The following PPP2R2B variants were observed in gnomAD, a reference collection of about 807,000 sequenced individuals.
PPP2R2B encodes protein phosphatase 2 regulatory subunit Bbeta, also known as serine/threonine-protein phosphatase 2A 55 kDa regulatory subunit B beta isoform.
PPP2R2B carries 5 observed loss-of-function variants against 46.0 expected under a neutral mutation model. The ratio of observed to expected loss-of-function variants is 0.11; its 90% CI spans 0.06 to 0.23. The LOEUF (loss-of-function observed/expected upper bound fraction) is 0.23. Among genes scored for constraint, PPP2R2B ranks in the 10% least tolerant of loss-of-function variants. The probability of loss-of-function intolerance (pLI) is 1.00; values close to 1 mark genes in which losing one functional copy is unlikely to be tolerated. For synonymous variants in PPP2R2B, 215 were observed against 206.7 expected (o/e 1.04, Z -0.34); for missense variants, 367 against 575.0 (o/e 0.64, Z 3.70).
At chr5:146,972,336 G>A (rs1752696569) in intron 1 of PPP2R2B, among the ~76,000 whole-genome samples, 1 of 152,212 alleles carries the variant, frequency 6.6e-6, no homozygotes, top group South Asian at 2.1e-4. Context: ...TTTGCCAGAT[G>A]TGTTCATGGT....
intron 5 of PPP2R2B, among the ~76,000 whole-genome samples, chr5:146,662,241 T>C (rs958018733): frequency 6.6e-6 from 1 of 152,256 alleles, no homozygotes; most frequent in African/African-American, 2.4e-5. Flanking sequence ...GTCATTTACA[T>C]TAAAAAGGTC....
At chr5:147,057,767 C>A (rs1024629887), upstream of PPP2R2B, among the ~76,000 whole-genome samples, 2 of 152,146 alleles carry the variant, frequency 1.3e-5, no homozygotes, top group African/African-American at 4.8e-5. Context: ...AGTGAGGCTG[C>A]AGTTAGACAG....
intron 5 of PPP2R2B, among the ~76,000 whole-genome samples, chr5:146,685,483 A>T (rs1187488000): frequency 6.6e-6 from 1 of 152,256 alleles, no homozygotes; most frequent in Non-Finnish European, 1.5e-5. Flanking sequence ...TCTAGGAGAC[A>T]AATCAAGTAA....
chr5:146,921,316 A>T (rs1223007470), intron 1 of PPP2R2B, among the ~76,000 whole-genome samples: 1 of 152,184 alleles, frequency 6.6e-6, no homozygotes, highest in Non-Finnish European at 1.5e-5. Context: ...CAGATTATCA[A>T]ATGCCTTTGG....
At chr5:146,861,454 GTTC>G (rs1760995842) in intron 2 of PPP2R2B, among the ~76,000 whole-genome samples, 1 of 152,090 alleles carries the variant, frequency 6.6e-6, no homozygotes, top group East Asian at 1.9e-4. Context: ...GCCTCCCAAA[GTTC>G]TGGGATTACA....
At chr5:146,983,400 T>C (rs1240534891) in intron 1 of PPP2R2B, among the ~76,000 whole-genome samples, 1 of 152,130 alleles carries the variant, frequency 6.6e-6, no homozygotes, top group African/African-American at 2.4e-5. Flanking sequence ...CAGGATGGTC[T>C]TGATCTCCTG....
At chr5:147,070,417 C>A (rs766658288) in intron 2 of PPP2R2B, among the ~76,000 whole-genome samples, 1 of 152,086 alleles carries the variant, frequency 6.6e-6, no homozygotes, top group African/African-American at 2.4e-5. Context: ...AGCAAAAAAC[C>A]AGGAACCACC....
At chr5:146,869,892 T>C (rs961098943) in intron 2 of PPP2R2B, among the ~76,000 whole-genome samples, 1 of 152,122 alleles carries the variant, frequency 6.6e-6, no homozygotes, top group Admixed American at 6.6e-5. Context: ...ACATAAGCAA[T>C]GTTAGTTTCA....
chr5:146,950,022 G>A (rs908564832), intron 1 of PPP2R2B, among the ~76,000 whole-genome samples: 1 of 151,702 alleles, frequency 6.6e-6, no homozygotes, highest in African/African-American at 2.4e-5. Flanking sequence ...AATATAATTA[G>A]AAAAAATAAG....
chr5:146,892,288 A>C (rs975885359), intron 1 of PPP2R2B, among the ~76,000 whole-genome samples: 1 of 152,172 alleles, frequency 6.6e-6, no homozygotes, highest in Non-Finnish European at 1.5e-5. Context: ...GTGGGTTTGC[A>C]CACATGCCAC....
chr5:146,705,933 C>CTTT (rs747667342), intron 2 of PPP2R2B, among the ~76,000 whole-genome samples: 1 of 139,464 alleles, frequency 7.2e-6, no homozygotes, highest in African/African-American at 2.6e-5. Context: ...TATCTTTTCT[C>CTTT]TTTTTTTTTT....
In PPP2R2B at chr5:146,588,488, A is replaced by G. The variant is rs375428863; in HGVS notation, c.*1459T>C. 5 of 152,230 alleles carry G rather than the reference A, an allele frequency of 3.3e-5. No individual in the cohort carries two copies. The East Asian group carries it at 7.7e-4, about 23-fold the overall frequency. The allele number at this position is 152,230 out of a possible 1,614,324, so 9.4% of individuals were successfully genotyped here. On this transcript the variant is annotated 3_prime_UTR_variant, in exon 10 of 10. Coordinates refer to ENST00000394411, the MANE Select transcript of PPP2R2B (RefSeq NM_181675.4). ...TCTCATCTCAAACCATTTACCCTGC[A>G]CTAAATGGGAGTTAGGAGAAATGAG...
intron 2 of PPP2R2B, among the ~76,000 whole-genome samples, chr5:146,818,179 T>G (rs528945882): frequency 6.6e-6 from 1 of 152,290 alleles, no homozygotes; most frequent in Non-Finnish European, 1.5e-5. Flanking sequence ...TTGATCAAAG[T>G]ACGTCTTTCC....
intron 1 of PPP2R2B, among the ~76,000 whole-genome samples, chr5:146,997,288 T>C (rs1305263729): frequency 6.6e-6 from 1 of 152,162 alleles, no homozygotes. Flanking sequence ...GATTCTCAAA[T>C]CCTTTTCCAG....
chr5:147,077,913 C>G (rs1757838110), intron 2 of PPP2R2B, among the ~76,000 whole-genome samples: 1 of 152,210 alleles, frequency 6.6e-6, no homozygotes. Context: ...TAATGATCGT[C>G]TAAGGGCATA....
intron 2 of PPP2R2B, among the ~76,000 whole-genome samples, chr5:146,795,396 GA>G (rs898589675): frequency 6.6e-6 from 1 of 152,120 alleles, no homozygotes; most frequent in Non-Finnish European, 1.5e-5. Context: ...CCACATGGAA[GA>G]ACCTAATACA....
At chr5:146,631,427 T>A (rs1268377819) in intron 7 of PPP2R2B, among the ~76,000 whole-genome samples, 1 of 152,220 alleles carries the variant, frequency 6.6e-6, no homozygotes, top group African/African-American at 2.4e-5. Context: ...TCATTTCGCA[T>A]GCTGCTTTAA....
intron 1 of PPP2R2B, among the ~76,000 whole-genome samples, chr5:147,044,585 T>G (rs1207337236): frequency 6.6e-6 from 1 of 152,122 alleles, no homozygotes; most frequent in Non-Finnish European, 1.5e-5. Flanking sequence ...GTATCATGCT[T>G]TTTTTATTTT....
intron 2 of PPP2R2B, among the ~76,000 whole-genome samples, chr5:146,762,997 GGAGT>G (rs1252242864): frequency 6.6e-6 from 1 of 152,180 alleles, no homozygotes; most frequent in African/African-American, 2.4e-5. Context: ...GCACATCAGT[GGAGT>G]GACCTGTGAC....
Sources: gnomAD v4.1 joint callset for allele counts (sites outside exome capture counted in the v4.1 genomes callset) on GRCh38, gnomAD v4.1.1 for gene constraint, MANE v1.5 for transcripts, NCBI Gene and HGNC (gene_info 2026-07-23, HGNC 2026-07-21) for gene names.